The following GTF3C3 variants were observed in gnomAD, a reference collection of about 807,000 sequenced individuals.
The protein encoded by GTF3C3 is general transcription factor IIIC subunit 3.
Under a neutral mutation model 105.2 loss-of-function variants are expected in GTF3C3, and 75 were observed. That is an observed-to-expected ratio of 0.71 (90% CI 0.59 to 0.86). The LOEUF (loss-of-function observed/expected upper bound fraction) is 0.86. GTF3C3 is among the 40% of genes least tolerant of loss of function. GTF3C3 has a pLI of 0.00. For missense variants in GTF3C3, 856 were observed against 1,076.5 expected, an observed-to-expected ratio of 0.80 and a Z score of 2.87; for synonymous variants, 335 against 370.4, an observed-to-expected ratio of 0.90 and a Z score of 1.10.
rs1229484542 is a variant in GTF3C3 at position 196,766,565 on chromosome 2, C to G, written c.2538G>C (p.Glu846Asp). 38 of 1,604,672 alleles carry G rather than the reference C, an allele frequency of 2.4e-5. No homozygotes were observed. The highest frequency in any genetic ancestry group is 3.0e-5 in the Non-Finnish European group (35 of 1,174,530). Residue 846 changes from glutamate to aspartate, a missense_variant and splice_region_variant, in exon 17 of 18, where the codon GAG (glutamate) becomes GAC (aspartate). Around this residue, in one of 3 missense-constraint regions of GTF3C3, gnomAD observed 134 missense variants for 128.9 expected, o/e 1.04. Transcript: ENST00000263956. ...TCTCAGTTTTAAAAATGCACAATAC[C>G]TCTACCACAAGTGGAGGGAGCTCCA... ...KALELPPLVV[E>D]GIELDQLDLR...
chr2:196,774,351 A>G (rs183541881), intron 13 of GTF3C3, among the ~76,000 whole-genome samples: 1 of 152,382 alleles, frequency 6.6e-6, no homozygotes, highest in African/African-American at 2.4e-5. Context: ...AATACTACAC[A>G]TTCCTTAAAT....
intron 6 of GTF3C3, among the ~76,000 whole-genome samples, chr2:196,787,340 A>G (rs895870652): frequency 6.6e-5 from 10 of 152,168 alleles, no homozygotes; most frequent in African/African-American, 2.4e-4. Flanking sequence ...AAGTCAGACC[A>G]TGTCACTTTT....
At chr2:196,778,704 A>C in intron 10 of GTF3C3, 192 bp downstream of exon 10, 1 of 594,772 alleles carries the variant, frequency 1.7e-6, no homozygotes, top group South Asian at 2.0e-5. Flanking sequence ...TCATTAAGTA[A>C]ATCATTCCTC....
chr2:196,796,971 T>G (rs867543635), intron 2 of GTF3C3, among the ~76,000 whole-genome samples: 1 of 152,156 alleles, frequency 6.6e-6, no homozygotes, highest in Non-Finnish European at 1.5e-5. Context: ...TAGGAACAAA[T>G]CTTGTTTGTT....
chr2:196,792,134 A>G (rs2125750841), intron 3 of GTF3C3, among the ~76,000 whole-genome samples: 1 of 152,226 alleles, frequency 6.6e-6, no homozygotes, highest in Admixed American at 6.5e-5. Flanking sequence ...CTTGTTTAAA[A>G]AAGTATCAAA....
intron 13 of GTF3C3, among the ~76,000 whole-genome samples, chr2:196,774,313 A>AT (rs1212034015): frequency 6.6e-6 from 1 of 152,228 alleles, no homozygotes; most frequent in Non-Finnish European, 1.5e-5. Context: ...TAAGAAAATG[A>AT]TTAAATTATG....
chr2:196,773,282 C>G (rs566239784), intron 13 of GTF3C3, 129 bp from the exon 14 acceptor site: 1 of 662,312 alleles, frequency 1.5e-6, no homozygotes, highest in Non-Finnish European at 2.7e-6. Context: ...CAGTGCTCTC[C>G]GGACAAAGAT....
intron 16 of GTF3C3, among the ~76,000 whole-genome samples, chr2:196,768,666 C>T (rs576930303): frequency 6.6e-6 from 1 of 152,168 alleles, no homozygotes; most frequent in Non-Finnish European, 1.5e-5. Context: ...TTAACATACA[C>T]AAAAGAGATT....
chr2:196,794,883 C>T (rs1699613924), intron 2 of GTF3C3, among the ~76,000 whole-genome samples: 1 of 151,750 alleles, frequency 6.6e-6, no homozygotes, highest in Non-Finnish European at 1.5e-5. Flanking sequence ...CATGAGCCAC[C>T]ACACCTGGCT....
intron 14 of GTF3C3, 151 bp from the exon 15 acceptor site, chr2:196,772,089 A>T: frequency 1.7e-6 from 1 of 591,592 alleles, no homozygotes; most frequent in Non-Finnish European, 3.0e-6. Flanking sequence ...TTAAAGCAAA[A>T]CTCTCCTACG....
At chr2:196,780,795 T>C in intron 8 of GTF3C3, 133 bp from the exon 9 acceptor site, 1 of 1,036,996 alleles carries the variant, frequency 9.6e-7, no homozygotes, top group Non-Finnish European at 1.3e-6. Flanking sequence ...ACTCTATTAA[T>C]AAGTTCTTAT....
At position 196,765,989 on chromosome 2, in the gene GTF3C3, C is replaced by G. The variant is rs376239614; in HGVS notation, c.2538+576G>C. Among the ~76,000 whole-genome samples the G allele has an allele frequency of 9.7e-3, 1,168 of 120,690 alleles. 2 individuals are homozygous for G. Among genetic ancestry groups the G allele is most frequent in the African/African-American group, 0.022 (727 of 33,746 alleles). The allele number at this position is 120,690 out of a possible 152,430, so 79.2% of individuals were successfully genotyped here. A position where few individuals can be genotyped will look rare whatever the true frequency, so the allele number is the denominator to read the frequency against. On this transcript the variant is annotated intron_variant, in intron 17 of 17. Transcript: ENST00000263956. ...CGTGCCACTGCACTCCAGCCTGGGC[C>G]ACAGAGCAAGACTCTGTCTCCAAAA...
chr2:196,797,076 C>T (rs1699659891), intron 2 of GTF3C3, among the ~76,000 whole-genome samples: 1 of 152,178 alleles, frequency 6.6e-6, no homozygotes, highest in Admixed American at 6.5e-5. Flanking sequence ...TAGAACTAGA[C>T]AGTTGTTATC....
Position 196,781,239 on chromosome 2 carries a change from CTA to C in GTF3C3, c.1115-579_1115-578del, listed in dbSNP as rs376031336. ...AAAAAATTATTCAAGAATTAAATAA[CTA>C]TCTGTTTTACAGAACTTGTCATATA... On this transcript the variant is annotated intron_variant, in intron 8 of 17. Coordinates refer to ENST00000263956, the MANE Select transcript of GTF3C3 (RefSeq NM_012086.5). Among the ~76,000 whole-genome samples, 89 of 149,662 alleles carry C rather than the reference CTA, an allele frequency of 5.9e-4. 1 individual carries two copies. The East Asian group carries it at 0.012, about 20-fold the overall frequency.
rs1576022280 is a variant in GTF3C3 at position 196,776,345 on chromosome 2, C to T, written c.1593+82G>A. ...ACTAAAATAAAATTTTGGATATAAG[C>T]TATAGAGACATCCTTAATGGAGGAG... is the stretch of plus-strand genomic sequence containing the variant. On this transcript the variant is annotated intron_variant, in intron 11 of 17. Transcript: ENST00000263956. This position sits in a 1 kb window ranked among gnomAD's most constrained non-coding sequence, Gnocchi z 4.5. 6.0e-6 allele frequency: 7 copies of T among 1,157,466 alleles called. No individual in the cohort carries two copies. In the East Asian group the frequency reaches 1.6e-4, roughly 27 times the overall value. The allele number at this position is 1,157,466 out of a possible 1,614,324, so 71.7% of individuals were successfully genotyped here. A position where few individuals can be genotyped will look rare whatever the true frequency, so the allele number is the denominator to read the frequency against.
At chr2:196,771,211 CTTGAGT>C (rs1699169132) in intron 15 of GTF3C3, among the ~76,000 whole-genome samples, 1 of 151,874 alleles carries the variant, frequency 6.6e-6, no homozygotes, top group South Asian at 2.1e-4. Context: ...ATGAAGTTTC[CTTGAGT>C]TTAATTAGAA....
chr2:196,798,518 T>A (rs1275381272), intron 1 of GTF3C3, among the ~76,000 whole-genome samples: 1 of 150,844 alleles, frequency 6.6e-6, no homozygotes, highest in African/African-American at 2.4e-5. Flanking sequence ...AGCCAGACTC[T>A]GTCTGAAAAT....
chr2:196,778,146 T>G (rs1699288565), intron 10 of GTF3C3: 1 of 152,230 alleles, frequency 6.6e-6, no homozygotes, highest in Admixed American at 6.5e-5. Context: ...TAAGAGCCAT[T>G]AGTTTTCTGC....
intron 17 of GTF3C3, among the ~76,000 whole-genome samples, chr2:196,765,147 A>G (rs1474524560): frequency 6.6e-6 from 1 of 152,190 alleles, no homozygotes; most frequent in East Asian, 1.9e-4. Context: ...CTATGCTATC[A>G]CGGAAAGGCA....
Sources: allele counts gnomAD v4.1 joint callset (sites outside exome capture counted in the v4.1 genomes callset), GRCh38; gene constraint gnomAD v4.1.1; regional missense constraint gnomAD v4.1.1; non-coding constraint Gnocchi (gnomAD v3.1); transcripts MANE v1.5; gene names NCBI Gene and HGNC (gene_info 2026-07-23, HGNC 2026-07-21).